The following TXNRD1 variants were observed in gnomAD, a reference collection of about 807,000 sequenced individuals.
TXNRD1 encodes thioredoxin reductase 1.
Under a neutral mutation model 80.3 loss-of-function variants are expected in TXNRD1, and 57 were observed. The observed-to-expected ratio is 0.71, with a 90% CI of 0.57 to 0.89. TXNRD1 has a LOEUF of 0.89. Among genes scored for constraint, TXNRD1 ranks in the 40% least tolerant of loss-of-function variants. The pLI is 0.00. For missense variants in TXNRD1, 730 were observed against 803.0 expected (o/e 0.91, Z 1.10); for synonymous variants, 291 against 285.2 (o/e 1.02, Z -0.20).
chr12:104,234,050 T>C (rs1455779121), intron 1 of TXNRD1, among the ~76,000 whole-genome samples: 1 of 152,218 alleles, frequency 6.6e-6, no homozygotes, highest in Non-Finnish European at 1.5e-5. Context: ...TCTTCAAAGC[T>C]ATTAAAAACC....
intron 5 of TXNRD1, among the ~76,000 whole-genome samples, chr12:104,312,282 A>T (rs189091450): frequency 1.2e-4 from 19 of 152,336 alleles, no homozygotes; most frequent in Admixed American, 8.5e-4. Context: ...AAGAGGATGT[A>T]TAAATAAAGA....
chr12:104,287,265 C>T (rs1415392842), intron 3 of TXNRD1: 3 of 1,613,742 alleles, frequency 1.9e-6, no homozygotes, highest in African/African-American at 1.3e-5. Context: ...TCTGAGCAGA[C>T]GGGGAGGCTT....
At chr12:104,328,163 TA>T (rs79602587) in intron 13 of TXNRD1, among the ~76,000 whole-genome samples, 69 of 131,790 alleles carry the variant, frequency 5.2e-4, no homozygotes, top group African/African-American at 2.6e-4. Flanking sequence ...AGACTCCATC[TA>T]AAAAAAAAAA....
chr12:104,272,754 T>G (rs1006282849), intron 3 of TXNRD1, among the ~76,000 whole-genome samples: 1 of 148,018 alleles, frequency 6.8e-6, no homozygotes, highest in Non-Finnish European at 1.5e-5. Context: ...ATCGCACCAC[T>G]GCACTCTAGC....
chr12:104,216,340 C>T (rs1440276027), intron 1 of TXNRD1, among the ~76,000 whole-genome samples: 1 of 152,246 alleles, frequency 6.6e-6, no homozygotes, highest in Non-Finnish European at 1.5e-5. Flanking sequence ...CAGAAGCCCC[C>T]GGCCCACTCC....
At chr12:104,259,859 A>T (rs2033328933) in intron 3 of TXNRD1, among the ~76,000 whole-genome samples, 1 of 152,162 alleles carries the variant, frequency 6.6e-6, no homozygotes, top group Non-Finnish European at 1.5e-5. Flanking sequence ...ATGTTTCTAA[A>T]GACAGGTTCT....
At chr12:104,323,817 C>CCG (rs1555216451) in intron 10 of TXNRD1, among the ~76,000 whole-genome samples, 1 of 150,884 alleles carries the variant, frequency 6.6e-6, no homozygotes, top group South Asian at 2.1e-4. Flanking sequence ...CTGACCCCCC[C>CCG]CCACCTCCCT....
chr12:104,238,539 TTA>T (rs2032787909), intron 1 of TXNRD1, among the ~76,000 whole-genome samples: 1 of 152,236 alleles, frequency 6.6e-6, no homozygotes, highest in Non-Finnish European at 1.5e-5. Flanking sequence ...TAGATGACCT[TTA>T]TCAGGTAGAA....
At chr12:104,283,408 T>C (rs968354311) in intron 3 of TXNRD1, among the ~76,000 whole-genome samples, 1 of 151,930 alleles carries the variant, frequency 6.6e-6, no homozygotes, top group Non-Finnish European at 1.5e-5. Context: ...CCCACCACCA[T>C]GCCCAGCTAA....
intron 16 of TXNRD1, among the ~76,000 whole-genome samples, chr12:104,347,158 A>C (rs893059760): frequency 3.7e-4 from 56 of 151,570 alleles, no homozygotes; most frequent in African/African-American, 1.3e-3. Flanking sequence ...AACAATGATG[A>C]GCCTCTTTCT....
chr12:104,306,437 A>T (rs561386971), intron 4 of TXNRD1, among the ~76,000 whole-genome samples: 36 of 152,332 alleles, frequency 2.4e-4, no homozygotes, highest in African/African-American at 8.2e-4. Context: ...ATAGGAGCTT[A>T]ATTTTTGGTA....
intron 16 of TXNRD1, among the ~76,000 whole-genome samples, chr12:104,345,459 A>G (rs753796083): frequency 6.6e-6 from 1 of 152,210 alleles, no homozygotes; most frequent in Non-Finnish European, 1.5e-5. Flanking sequence ...TTCCAAAGGG[A>G]ATTACTAGAA....
intron 1 of TXNRD1, among the ~76,000 whole-genome samples, chr12:104,229,203 A>G (rs917944233): frequency 2.4e-5 from 3 of 126,240 alleles, no homozygotes; most frequent in Admixed American, 9.7e-5. Context: ...GCTGGAGTGT[A>G]GTGGTGTCAT....
chr12:104,339,984 A>G (rs536890914), intron 16 of TXNRD1, among the ~76,000 whole-genome samples: 1 of 152,360 alleles, frequency 6.6e-6, no homozygotes, highest in African/African-American at 2.4e-5. Flanking sequence ...GCCAGATTTC[A>G]TCCAGCAGCT....
intron 1 of TXNRD1, among the ~76,000 whole-genome samples, chr12:104,247,640 T>G (rs2033022345): frequency 6.6e-6 from 1 of 152,228 alleles, no homozygotes; most frequent in African/African-American, 2.4e-5. Context: ...TTGTACATTT[T>G]TTTGTTTGTT....
At chr12:104,254,398 G>A (rs2033192678) in intron 2 of TXNRD1, among the ~76,000 whole-genome samples, 1 of 151,798 alleles carries the variant, frequency 6.6e-6, no homozygotes, top group South Asian at 2.1e-4. Flanking sequence ...CTGACATAAT[G>A]CTAAGTACAA....
At chr12:104,261,229 T>A in intron 3 of TXNRD1, among the ~76,000 whole-genome samples, 1 of 152,106 alleles carries the variant, frequency 6.6e-6, no homozygotes, top group East Asian at 1.9e-4. Context: ...GATGGCACGA[T>A]CTGGGCTTGC....
chr12:104,308,300 T>C (rs1418670902), intron 4 of TXNRD1, among the ~76,000 whole-genome samples: 1 of 152,124 alleles, frequency 6.6e-6, no homozygotes, highest in Non-Finnish European at 1.5e-5. Flanking sequence ...TCGCTGCCCT[T>C]TTCACTCTTA....
chr12:104,299,713 G>A (rs1046765420), intron 4 of TXNRD1, among the ~76,000 whole-genome samples: 1 of 148,158 alleles, frequency 6.7e-6, no homozygotes, highest in African/African-American at 2.5e-5. Context: ...GTTGCAGTGA[G>A]CCGAGATCGT....
Sources: allele counts gnomAD v4.1 joint callset (sites outside exome capture counted in the v4.1 genomes callset), GRCh38; gene constraint gnomAD v4.1.1; transcripts MANE v1.5; gene names NCBI Gene and HGNC (gene_info 2026-07-23, HGNC 2026-07-21).